The following SRFBP1 variants were observed in gnomAD, a reference collection of about 807,000 sequenced individuals.
SRFBP1 encodes serum response factor binding protein 1, also known as serum response factor-binding protein 1.
Under a neutral mutation model 45.5 loss-of-function variants are expected in SRFBP1, and 47 were observed. That is an observed-to-expected ratio of 1.03 (90% CI 0.82 to 1.32). SRFBP1 has a LOEUF of 1.32. Among genes scored for constraint, SRFBP1 ranks in the 40% most tolerant of loss-of-function variants. SRFBP1 has a pLI of 0.00. For synonymous variants in SRFBP1, 203 were observed against 166.3 expected (o/e 1.22, Z -1.70); for missense variants, 621 against 484.6 (o/e 1.28, Z -2.64).
intron 3 of SRFBP1, among the ~76,000 whole-genome samples, chr5:121,989,994 T>C (rs1023135584): frequency 7.9e-5 from 12 of 152,192 alleles, no homozygotes; most frequent in African/African-American, 2.4e-4. Context: ...TAAGAGACTT[T>C]ACTGATTTTA....
chr5:122,007,620 G>A (rs1351541489), intron 4 of SRFBP1, among the ~76,000 whole-genome samples: 1 of 151,812 alleles, frequency 6.6e-6, no homozygotes, highest in East Asian at 1.9e-4. Flanking sequence ...GGCAGGCCCG[G>A]GACCTGTGTA....
chr5:122,061,988 C>G (rs17148756), intron 2 of SRFBP1, among the ~76,000 whole-genome samples: 15 of 151,652 alleles, frequency 9.9e-5, no homozygotes, highest in Admixed American at 9.9e-4. Context: ...GTTTTCCAAG[C>G]AAAAATTGTA....
chr5:122,077,959 C>G, downstream of SRFBP1: 1 of 1,475,610 alleles, frequency 6.8e-7, no homozygotes, highest in Non-Finnish European at 8.9e-7. The surrounding 1 kb of genome is among the most constrained non-coding windows in gnomAD (Gnocchi z 4.9). Flanking sequence ...AAGGCCCGAG[C>G]AGGAGCACGG....
rs535257661 is a variant in SRFBP1, at chr5:122,000,410, A to G, written c.270+5740A>G. On this transcript the variant is annotated intron_variant, in intron 4 of 7. Transcript: ENST00000339397. ...GATTGCTCTTTATTTCCTTGTTTAAATCCAAGTTTTCTGCTGGTGTATTTG... is the reference window on the plus strand; with the variant it reads ...GATTGCTCTTTATTTCCTTGTTTAAGTCCAAGTTTTCTGCTGGTGTATTTG... Among the ~76,000 whole-genome samples the G allele has an allele frequency of 6.6e-5, 10 of 152,172 alleles. No homozygotes were observed. The East Asian group carries it at 1.7e-3, about 26-fold the overall frequency.
At chr5:122,003,959 G>A (rs928735357) in intron 4 of SRFBP1, among the ~76,000 whole-genome samples, 1 of 152,070 alleles carries the variant, frequency 6.6e-6, no homozygotes, top group Non-Finnish European at 1.5e-5. Flanking sequence ...ATTTGAGACA[G>A]GATCTCGCTC....
downstream of SRFBP1, chr5:122,077,779 G>A (rs1754685821): frequency 6.5e-7 from 1 of 1,548,732 alleles, no homozygotes; most frequent in South Asian, 1.2e-5. This position sits in a 1 kb window ranked among gnomAD's most constrained non-coding sequence, Gnocchi z 4.9. Flanking sequence ...CCGGGTCCCG[G>A]CGGCGCTGAG....
chr5:121,985,062 A>C (rs1355759899), intron 3 of SRFBP1, among the ~76,000 whole-genome samples: 1 of 151,876 alleles, frequency 6.6e-6, no homozygotes, highest in Non-Finnish European at 1.5e-5. Flanking sequence ...TGTGTGTGCC[A>C]TGTTTGGCTA....
intron 2 of SRFBP1, among the ~76,000 whole-genome samples, chr5:122,049,045 C>T (rs1561408505): frequency 6.6e-6 from 1 of 151,990 alleles, no homozygotes; most frequent in African/African-American, 2.4e-5. Flanking sequence ...TCTCTGTTTC[C>T]TTCAGTTCTG....
At chr5:121,989,517 C>T (rs1399816495) in intron 3 of SRFBP1, among the ~76,000 whole-genome samples, 2 of 152,166 alleles carry the variant, frequency 1.3e-5, no homozygotes, top group African/African-American at 2.4e-5. Flanking sequence ...ACATTAACCA[C>T]GATTAAGTGT....
chr5:121,994,501 T>G, intron 3 of SRFBP1, 98 bp from the exon 4 acceptor site: 1 of 723,060 alleles, frequency 1.4e-6, no homozygotes, highest in Non-Finnish European at 2.3e-6. Flanking sequence ...AATTAAGATG[T>G]TATTTAATAT....
chr5:121,984,356 G>A (rs1479294697), intron 3 of SRFBP1, among the ~76,000 whole-genome samples: 1 of 151,686 alleles, frequency 6.6e-6, no homozygotes, highest in African/African-American at 2.4e-5. Context: ...CATACATACA[G>A]TACTTAGGTA....
intron 2 of SRFBP1, among the ~76,000 whole-genome samples, chr5:122,049,496 G>A (rs913205706): frequency 6.6e-6 from 1 of 152,046 alleles, no homozygotes; most frequent in Non-Finnish European, 1.5e-5. Context: ...GGATATCCAG[G>A]AATTGAACTC....
Position 121,994,624 on chromosome 5 carries a change from A to C in SRFBP1, c.224A>C (p.Lys75Thr). The change falls in exon 4 of 8, where the codon AAA becomes ACA. Residue 75 changes from lysine to threonine, a missense_variant. By Grantham distance (78) the Lys-to-Thr change is moderately conservative. Coordinates refer to ENST00000339397, the MANE Select transcript of SRFBP1 (RefSeq NM_152546.3). ...GAATTGAAACCTGACATAGTAACTA[A>C]ATCTGCTCTTGGTGATGATATCAAC... is the stretch of plus-strand genomic sequence containing the variant. ...MKELKPDIVT[K>T]SALGDDINFE... 6.3e-7 allele frequency: 1 copy of C among 1,598,634 alleles called. No individual in the cohort carries two copies. The highest frequency in any genetic ancestry group is 8.5e-7 in the Non-Finnish European group (1 of 1,173,700).
intron 4 of SRFBP1, among the ~76,000 whole-genome samples, chr5:122,005,299 A>G (rs917388371): frequency 2.6e-5 from 4 of 152,118 alleles, no homozygotes; most frequent in Admixed American, 6.5e-5. Context: ...AGCTCCGTTA[A>G]CATTTGCTTT....
chr5:122,043,494 G>A (rs928144278), intron 2 of SRFBP1, among the ~76,000 whole-genome samples: 1 of 152,194 alleles, frequency 6.6e-6, no homozygotes, highest in African/African-American at 2.4e-5. Flanking sequence ...AGGATTACAG[G>A]CGTGAGCCAC....
chr5:122,024,726 T>C (rs772230732), intron 7 of SRFBP1, among the ~76,000 whole-genome samples: 2 of 152,192 alleles, frequency 1.3e-5, no homozygotes, highest in Non-Finnish European at 2.9e-5. Context: ...ATTTATACCA[T>C]ATATTCACAA....
chr5:121,994,051 T>C (rs1296466044), intron 3 of SRFBP1, among the ~76,000 whole-genome samples: 1 of 152,054 alleles, frequency 6.6e-6, no homozygotes, highest in African/African-American at 2.4e-5. Context: ...GTTGTTAAGA[T>C]CTTGTAATTT....
intron 2 of SRFBP1, among the ~76,000 whole-genome samples, chr5:122,060,545 C>G (rs1165117338): frequency 6.6e-6 from 1 of 152,008 alleles, no homozygotes; most frequent in African/African-American, 2.4e-5. Flanking sequence ...GTAGTATCTA[C>G]AACGACTGGG....
chr5:121,980,216 C>G (rs897906114), intron 3 of SRFBP1, among the ~76,000 whole-genome samples: 7 of 152,104 alleles, frequency 4.6e-5, no homozygotes, highest in African/African-American at 1.7e-4. Context: ...TTCCTTCCAA[C>G]TTTTTGGAAA....
Sources: gnomAD v4.1 joint callset for allele counts (sites outside exome capture counted in the v4.1 genomes callset) on GRCh38, gnomAD v4.1.1 for gene constraint, Gnocchi (gnomAD v3.1) non-coding constraint, MANE v1.5 for transcripts, NCBI Gene and HGNC (gene_info 2026-07-23, HGNC 2026-07-21) for gene names.